The following POLN variants were observed in gnomAD, a reference collection of about 807,000 sequenced individuals.
POLN encodes DNA polymerase N.
POLN carries 108 observed loss-of-function variants against 113.5 expected under a neutral mutation model. The ratio of observed to expected loss-of-function variants is 0.95; its 90% CI spans 0.81 to 1.12. The LOEUF (loss-of-function observed/expected upper bound fraction) is 1.12. POLN is among the 50% of genes most tolerant of loss of function. The pLI, the probability that POLN is intolerant of heterozygous loss-of-function variation, is 0.00. For synonymous variants in POLN, 386 were observed against 391.5 expected (o/e 0.99, Z 0.17); for missense variants, 1,097 against 1,077.1 (o/e 1.02, Z -0.26).
Position 2,207,972 on chromosome 4 carries a change from T to C in POLN, c.714+15A>G. 12 of 1,566,462 alleles carry C rather than the reference T, an allele frequency of 7.7e-6. No individual in the cohort carries two copies. The highest frequency in any genetic ancestry group is 1.0e-5 in the Non-Finnish European group (12 of 1,161,758). ...GGTGTCAAGACAGCAAATAAAAACA[T>C]CACTGTTTACTAACCTGGTCAGCTC... is the stretch of plus-strand genomic sequence containing the variant. On this transcript the variant is annotated intron_variant, in intron 5 of 25. Coordinates refer to ENST00000511885, the MANE Select transcript of POLN (RefSeq NM_181808.4).
At chr4:2,088,240 A>G (rs1231357930) in intron 20 of POLN, among the ~76,000 whole-genome samples, 1 of 152,222 alleles carries the variant, frequency 6.6e-6, no homozygotes, top group Non-Finnish European at 1.5e-5. Context: ...ATCTACAGAA[A>G]AATAATGAAA....
At chr4:2,086,375 AG>A (rs957343210) in intron 20 of POLN, among the ~76,000 whole-genome samples, 7 of 152,296 alleles carry the variant, frequency 4.6e-5, no homozygotes, top group South Asian at 2.1e-4. Flanking sequence ...CAAGCATGTG[AG>A]CAGGTTCAGT....
At chr4:2,230,167 C>A in intron 2 of POLN, 1 of 152,456 alleles carries the variant, frequency 6.6e-6, no homozygotes, top group Non-Finnish European at 1.5e-5. Context: ...CAGTGGTGCA[C>A]GCCTACAATC....
intron 16 of POLN, among the ~76,000 whole-genome samples, chr4:2,133,161 A>T (rs554180043): frequency 6.7e-6 from 1 of 149,412 alleles, no homozygotes; most frequent in African/African-American, 2.4e-5. Context: ...AAAAAAAAAA[A>T]AATAACATGC....
chr4:2,157,512 G>C (rs182699537), intron 15 of POLN, among the ~76,000 whole-genome samples: 2 of 151,972 alleles, frequency 1.3e-5, no homozygotes, highest in Non-Finnish European at 2.9e-5. Context: ...AGATCACGAC[G>C]TAAGAGTTTG....
At chr4:2,141,773 G>A (rs775580528) in intron 16 of POLN, among the ~76,000 whole-genome samples, 3 of 152,210 alleles carry the variant, frequency 2.0e-5, no homozygotes, top group Non-Finnish European at 4.4e-5. Context: ...CAGGACCCCA[G>A]GACCACAGGA....
intron 10 of POLN, 117 bp from the exon 11 acceptor site, chr4:2,174,136 C>T: frequency 1.1e-6 from 1 of 933,858 alleles, no homozygotes; most frequent in Non-Finnish European, 1.7e-6. Flanking sequence ...ATTTACTCAG[C>T]ACCTGCTGCA....
intron 16 of POLN, among the ~76,000 whole-genome samples, chr4:2,137,682 C>T (rs1731893041): frequency 6.6e-6 from 1 of 152,194 alleles, no homozygotes; most frequent in South Asian, 2.1e-4. Flanking sequence ...ACCTCTTGAA[C>T]ACTGCTTTCC....
chr4:2,129,106 G>C, intron 18 of POLN, 73 bp downstream of exon 18: 1 of 729,810 alleles, frequency 1.4e-6, no homozygotes, highest in Middle Eastern at 2.6e-4. Context: ...AATTCCATAA[G>C]TACCTTTGAA....
At chr4:2,201,672 A>G (rs1336953110) in intron 5 of POLN, among the ~76,000 whole-genome samples, 1 of 152,212 alleles carries the variant, frequency 6.6e-6, no homozygotes, top group Non-Finnish European at 1.5e-5. Context: ...CTAGAGACCT[A>G]GACATCCAAA....
At chr4:2,135,355 T>C (rs1459918712) in intron 16 of POLN, among the ~76,000 whole-genome samples, 1 of 152,200 alleles carries the variant, frequency 6.6e-6, no homozygotes, top group African/African-American at 2.4e-5. Context: ...GGAGGAGATA[T>C]CAGCCCGTGC....
chr4:2,122,416 C>T (rs1463984500), intron 19 of POLN, among the ~76,000 whole-genome samples: 4 of 152,088 alleles, frequency 2.6e-5, no homozygotes, highest in African/African-American at 9.7e-5. Context: ...TAAAACACCC[C>T]AGGGTGCACC....
At chr4:2,151,696 TG>T (rs1432390640) in intron 16 of POLN, among the ~76,000 whole-genome samples, 1 of 152,206 alleles carries the variant, frequency 6.6e-6, no homozygotes, top group East Asian at 1.9e-4. Context: ...GTAACAACGC[TG>T]TGAAAGGAGC....
chr4:2,187,172 G>T (rs10028332), intron 7 of POLN, among the ~76,000 whole-genome samples: 37,499 of 152,096 alleles, frequency 0.25, 7,136 homozygotes, highest in African/African-American at 0.51. Flanking sequence ...ATGAAGCAGA[G>T]CAAGAGCAAG....
At chr4:2,089,332 C>T in intron 20 of POLN, 1 of 1,394,716 alleles carries the variant, frequency 7.2e-7, no homozygotes, top group Non-Finnish European at 9.9e-7. Flanking sequence ...TTCTGATATT[C>T]CTGGTGAAGA....
At chr4:2,082,931 G>C (rs1730456135) in intron 21 of POLN, 1 of 152,182 alleles carries the variant, frequency 6.6e-6, no homozygotes, top group Non-Finnish European at 1.5e-5. Context: ...TCTAAGCTTT[G>C]TTAGAGTGGA....
Position 2,213,543 on chromosome 4 carries a change from T to C in POLN, c.134-417A>G, listed in dbSNP as rs913670638. On this transcript the variant is annotated intron_variant, in intron 3 of 25. Coordinates refer to ENST00000511885, the MANE Select transcript of POLN (RefSeq NM_181808.4). ...AACAAACTTCTAATTTAGATTTTGA[T>C]TTAATTTCAATAAGCCTGGGCTGAA... Among the ~76,000 whole-genome samples, 2 of 152,208 alleles carry C rather than the reference T, an allele frequency of 1.3e-5. 1 individual carries two copies. Among genetic ancestry groups the C allele is most frequent in the African/African-American group, 4.8e-5 (2 of 41,450 alleles).
chr4:2,161,168 G>A (rs1732577365), intron 13 of POLN, among the ~76,000 whole-genome samples: 1 of 152,240 alleles, frequency 6.6e-6, no homozygotes, highest in African/African-American at 2.4e-5. Context: ...CCACTTTGGC[G>A]GCACTTGAGG....
intron 3 of POLN, among the ~76,000 whole-genome samples, chr4:2,215,339 ACGCACATAACACTCGGGTACC>A (rs1316387979): frequency 6.6e-6 from 1 of 152,198 alleles, no homozygotes; most frequent in Non-Finnish European, 1.5e-5. Flanking sequence ...CGAAGATGTT[ACGCACATAACACTCGGGTACC>A]CTGGGAGACC....
Sources: gnomAD v4.1 joint callset for allele counts (sites outside exome capture counted in the v4.1 genomes callset) on GRCh38, gnomAD v4.1.1 for gene constraint, MANE v1.5 for transcripts, NCBI Gene and HGNC (gene_info 2026-07-23, HGNC 2026-07-21) for gene names.